RPS5: variants seen among roughly 807,000 people sequenced by gnomAD.
The protein encoded by RPS5 is ribosomal protein S5, also known as small ribosomal subunit protein uS7.
In RPS5, 2 loss-of-function variants were observed where a neutral mutation model predicts 20.9. The observed-to-expected ratio is 0.10, with a 90% CI of 0.04 to 0.30. The LOEUF is 0.30. Among genes scored for constraint, RPS5 ranks in the 10% least tolerant of loss-of-function variants. The pLI is 1.00. For synonymous variants in RPS5, 112 were observed against 105.8 expected, an observed-to-expected ratio of 1.06 and a Z score of -0.36; for missense variants, 122 against 287.2, an observed-to-expected ratio of 0.42 and a Z score of 4.16.
In RPS5 at chr19:58,388,481, GTATTTTTGTTAC is replaced by G. The variant is rs750283236; in HGVS notation, c.108+238_108+249del. 1.2e-4 allele frequency: 65 copies of G among 553,264 alleles called. No individual in the cohort carries two copies. The African/African-American group carries it at 1.2e-3, about 10-fold the overall frequency. The allele number at this position is 553,264 out of a possible 1,614,324, so 34.3% of individuals were successfully genotyped here. The stretch of plus-strand genomic sequence containing the variant: ...GAAGGAGCATCACATCTCACATATG[GTATTTTTGTTAC>G]TGTTTTTGTAGTAAAATACATAACA... On this transcript the variant is annotated intron_variant, in intron 2 of 5. Transcript: ENST00000196551.
At chr19:58,392,949 T>G in intron 2 of RPS5, 27 bp from the exon 3 acceptor site, 1 of 1,608,948 alleles carries the variant, frequency 6.2e-7, no homozygotes, top group Non-Finnish European at 8.5e-7. Context: ...CCATTTTCCC[T>G]TCATTTCCTG....
At chr19:58,388,872 G>A (rs535902202) in intron 2 of RPS5, among the ~76,000 whole-genome samples, 7 of 151,870 alleles carry the variant, frequency 4.6e-5, no homozygotes, top group Admixed American at 2.6e-4. Flanking sequence ...CTCGTGATCC[G>A]CCCGTCTCGG....
intron 2 of RPS5, chr19:58,388,644 T>G (rs893510380): frequency 6.9e-5 from 10 of 145,342 alleles, no homozygotes; most frequent in Non-Finnish European, 1.1e-4. Context: ...TAGTTTTTTT[T>G]TTTTTTTTTT....
Position 58,388,113 on chromosome 19 carries a change from TTTCCTG to T in RPS5, c.-1-22_-1-17del. On this transcript the variant is annotated intron_variant, in intron 1 of 5. Transcript: ENST00000196551. ...CATGCTAGCTGAGCTCTGACGTTTT[TTTCCTG>T]TCATCACCCTGTCCCAGGATGACCG... The T allele has an allele frequency of 1.9e-6, 3 of 1,571,998 alleles. No homozygotes were observed. The highest frequency in any genetic ancestry group is 2.6e-6 in the Non-Finnish European group (3 of 1,147,186).
In RPS5 at chr19:58,394,620, G is replaced by T. The variant is rs116405652; in HGVS notation, c.546+25G>T. The T allele has an allele frequency of 1.2e-3, 1,980 of 1,613,796 alleles. 14 individuals are homozygous for T. In the African/African-American group the frequency reaches 0.02, roughly 16 times the overall value. Reference sequence around the variant, plus strand: ...GGTGGGTGAGGGCACTCCGGTTGGGGGGTCTTAAGTTGGGCATTTGTGGGG... The same window carrying T: ...GGTGGGTGAGGGCACTCCGGTTGGGTGGTCTTAAGTTGGGCATTTGTGGGG... On this transcript the variant is annotated intron_variant, in intron 5 of 5. Transcript: ENST00000196551.
chr19:58,389,565 T>C (rs1207074348), intron 2 of RPS5, among the ~76,000 whole-genome samples: 1 of 152,100 alleles, frequency 6.6e-6, no homozygotes, highest in East Asian at 1.9e-4. Context: ...TTGGCTTTTC[T>C]TTCCTTCAGG....
In RPS5 at chr19:58,394,612, C is replaced by T. The variant is rs765530405; in HGVS notation, c.546+17C>T. 45 of 1,613,550 alleles carry T rather than the reference C, an allele frequency of 2.8e-5. 1 individual carries two copies. In the Middle Eastern group the frequency reaches 6.6e-4, roughly 24 times the overall value. ...GCTGCCAAGGTGGGTGAGGGCACTC[C>T]GGTTGGGGGGTCTTAAGTTGGGCAT... On this transcript the variant is annotated intron_variant, in intron 5 of 5. Transcript: ENST00000196551.
chr19:58,393,555 G>C lies in RPS5; in HGVS notation c.447+68G>C, dbSNP rs982550127. 9 of 1,552,856 alleles carry C rather than the reference G, an allele frequency of 5.8e-6. No individual in the cohort carries two copies. In the African/African-American group the frequency reaches 1.2e-4, roughly 21 times the overall value. On this transcript the variant is annotated intron_variant, in intron 4 of 5. Coordinates refer to ENST00000196551, the MANE Select transcript of RPS5 (RefSeq NM_001009.4). ...CGGGAGTGGGTGGGGTCTTGCCTGG[G>C]GCAGGAAGGCTCCTCTCTGTCTGCA...
At chr19:58,393,887 G>A in intron 4 of RPS5, 1 of 192,620 alleles carries the variant, frequency 5.2e-6, no homozygotes, top group Non-Finnish European at 1.1e-5. Context: ...AATAGTCGTT[G>A]TTCCATTTAG....
chr19:58,388,400 C>T, intron 2 of RPS5, 155 bp downstream of exon 2: 1 of 623,460 alleles, frequency 1.6e-6, no homozygotes, highest in Non-Finnish European at 2.9e-6. Context: ...CACATCTGCT[C>T]TTACGTCCTG....
chr19:58,389,037 G>T (rs935179060), intron 2 of RPS5, among the ~76,000 whole-genome samples: 3 of 152,082 alleles, frequency 2.0e-5, no homozygotes, highest in Non-Finnish European at 4.4e-5. Context: ...TTGCAATTGG[G>T]AAGTGTGAGT....
At chr19:58,391,347 G>A (rs192529145) in intron 2 of RPS5, among the ~76,000 whole-genome samples, 1 of 148,274 alleles carries the variant, frequency 6.7e-6, no homozygotes, top group African/African-American at 2.5e-5. Context: ...CAGGAGAATC[G>A]CTTGAACCTG....
chr19:58,388,057 C>A, intron 1 of RPS5, 80 bp from the exon 2 acceptor site: 2 of 932,736 alleles, frequency 2.1e-6, no homozygotes, highest in South Asian at 1.4e-5. Flanking sequence ...GGCGGCTAGC[C>A]TCAGAGTTGG....
intron 4 of RPS5, chr19:58,394,213 G>C (rs1228435466): frequency 5.0e-6 from 2 of 398,254 alleles, no homozygotes; most frequent in Non-Finnish European, 9.4e-6. Context: ...GCATCCCGAA[G>C]TGTTACAGGC....
intron 4 of RPS5, 167 bp downstream of exon 4, chr19:58,393,654 T>C: frequency 1.3e-6 from 1 of 797,504 alleles, no homozygotes; most frequent in Non-Finnish European, 1.9e-6. Flanking sequence ...TGATCCAGGC[T>C]CTGGGTCCTC....
chr19:58,393,659 G>A, intron 4 of RPS5, 172 bp downstream of exon 4: 2 of 757,380 alleles, frequency 2.6e-6, no homozygotes, highest in South Asian at 1.9e-5. Context: ...CAGGCTCTGG[G>A]TCCTCTTCGG....
At chr19:58,394,000 A>G (rs1599935386) in intron 4 of RPS5, 1 of 168,430 alleles carries the variant, frequency 5.9e-6, no homozygotes, top group Admixed American at 5.7e-5. Flanking sequence ...AATAATTGAG[A>G]TGGAATCTCA....
At chr19:58,392,945 T>C (rs1333721567) in intron 2 of RPS5, 31 bp from the exon 3 acceptor site, 1 of 1,606,528 alleles carries the variant, frequency 6.2e-7, no homozygotes, top group Non-Finnish European at 8.5e-7. Context: ...CTGACCATTT[T>C]CCCTTCATTT....
chr19:58,393,287 T>C (rs1352063653), intron 3 of RPS5, 72 bp from the exon 4 acceptor site: 1 of 1,608,318 alleles, frequency 6.2e-7, no homozygotes, highest in African/African-American at 1.3e-5. Context: ...GTGGTCACTC[T>C]TGTTTTAGGT....
Sources: allele counts gnomAD v4.1 joint callset (sites outside exome capture counted in the v4.1 genomes callset), GRCh38; gene constraint gnomAD v4.1.1; transcripts MANE v1.5; gene names NCBI Gene and HGNC (gene_info 2026-07-23, HGNC 2026-07-21).